LANCL2: variants seen among roughly 807,000 people sequenced by gnomAD.
LANCL2 encodes lanC-like protein 2.
LANCL2 carries 33 observed loss-of-function variants against 56.9 expected under a neutral mutation model. The observed-to-expected ratio is 0.58, with a 90% confidence interval of 0.44 to 0.78. The LOEUF (loss-of-function observed/expected upper bound fraction) is 0.78, where lower values mean the gene tolerates loss of function less well. Ranked by LOEUF, LANCL2 falls within the 30% of genes least tolerant of loss-of-function variation. The pLI is 0.00. For synonymous variants in LANCL2, 233 were observed against 228.2 expected (o/e 1.02, Z -0.19); for missense variants, 562 against 580.2 (o/e 0.97, Z 0.32).
intron 1 of LANCL2, among the ~76,000 whole-genome samples, chr7:55,390,243 A>C (rs1790171038): frequency 6.6e-6 from 1 of 152,138 alleles, no homozygotes; most frequent in Non-Finnish European, 1.5e-5. Flanking sequence ...GAGAGAGTTA[A>C]AGGGAGAAAT....
intron 1 of LANCL2, among the ~76,000 whole-genome samples, chr7:55,383,552 A>T (rs1245464012): frequency 6.6e-6 from 1 of 152,214 alleles, no homozygotes; most frequent in Non-Finnish European, 1.5e-5. Flanking sequence ...CCACATTAGC[A>T]TATCAGTACT....
chr7:55,383,231 T>C (rs1415566960), intron 1 of LANCL2, among the ~76,000 whole-genome samples: 1 of 152,084 alleles, frequency 6.6e-6, no homozygotes, highest in Non-Finnish European at 1.5e-5. Flanking sequence ...GCAGAGAGTT[T>C]AATAGGCAAG....
intron 1 of LANCL2, among the ~76,000 whole-genome samples, chr7:55,370,156 G>T (rs1369417568): frequency 1.3e-5 from 2 of 152,044 alleles, no homozygotes; most frequent in Admixed American, 6.6e-5. Context: ...GTGGTTAGTC[G>T]GCCTTGCTAT....
intron 6 of LANCL2, among the ~76,000 whole-genome samples, chr7:55,415,536 T>C (rs1790525778): frequency 6.6e-6 from 1 of 152,176 alleles, no homozygotes; most frequent in Non-Finnish European, 1.5e-5. Context: ...TATACTTTTT[T>C]TCCTCCTTAC....
chr7:55,422,458 A>G (rs184389111), intron 6 of LANCL2, among the ~76,000 whole-genome samples: 9 of 152,264 alleles, frequency 5.9e-5, no homozygotes, highest in South Asian at 2.1e-4. Context: ...TGGGTTTTCA[A>G]TAGTTTAACT....
chr7:55,424,024 T>G (rs1263891976), intron 6 of LANCL2, among the ~76,000 whole-genome samples: 1 of 152,184 alleles, frequency 6.6e-6, no homozygotes, highest in African/African-American at 2.4e-5. Flanking sequence ...CTCAGAGCCC[T>G]TCTCGGCTGA....
chr7:55,418,268 A>G (rs1293494244), intron 6 of LANCL2, among the ~76,000 whole-genome samples: 1 of 150,106 alleles, frequency 6.7e-6, no homozygotes, highest in African/African-American at 2.5e-5. Flanking sequence ...TGCAGCCTCT[A>G]CCTCCCCAGG....
At chr7:55,399,888 G>A in intron 3 of LANCL2, 69 bp from the exon 4 acceptor site, 1 of 1,258,708 alleles carries the variant, frequency 7.9e-7, no homozygotes, top group East Asian at 2.4e-5. Context: ...TAAAGCAACA[G>A]GGTTAGTGTT....
At chr7:55,395,394 G>A (rs113967485) in intron 2 of LANCL2, among the ~76,000 whole-genome samples, 1 of 152,062 alleles carries the variant, frequency 6.6e-6, no homozygotes, top group Non-Finnish European at 1.5e-5. Context: ...AGCAGAGATG[G>A]CTAGACAGTA....
intron 1 of LANCL2, among the ~76,000 whole-genome samples, chr7:55,367,362 C>T (rs544643314): frequency 6.6e-6 from 1 of 152,278 alleles, no homozygotes; most frequent in East Asian, 1.9e-4. Flanking sequence ...TTTGAAAGAG[C>T]CATTGGTCTG....
intron 1 of LANCL2, among the ~76,000 whole-genome samples, chr7:55,379,442 G>A (rs909515180): frequency 2.0e-5 from 3 of 152,114 alleles, no homozygotes; most frequent in Non-Finnish European, 2.9e-5. Flanking sequence ...TGTGCATAAC[G>A]GGGCCTGGAA....
Position 55,398,508 on chromosome 7 carries a change from A to C in LANCL2, c.408A>C (p.Thr136=), listed in dbSNP as rs1314745435. Residue 136 remains threonine, a synonymous_variant, in exon 3 of 9, where the codon ACA becomes ACC. Transcript: ENST00000254770. ...LLRSLDYVKR[T]LRNLNGRRVT... ...GATCCCTGGATTACGTAAAAAGAAC[A>C]CTTCGGAATCTGAATGGCCGCAGGG... The C allele has an allele frequency of 1.9e-6, 3 of 1,614,198 alleles. No individual in the cohort carries two copies. The highest frequency in any genetic ancestry group is 2.5e-6 in the Non-Finnish European group (3 of 1,180,040).
At position 55,365,931 on chromosome 7, in the gene LANCL2, T is replaced by C; in HGVS notation, c.-95T>C. Reference sequence around the variant, plus strand: ...CGGCCTCGCTCCTCCTAGAGGACGCTCTCTGCGCGGGCCCTCGGAGGAGGC... The same window carrying C: ...CGGCCTCGCTCCTCCTAGAGGACGCCCTCTGCGCGGGCCCTCGGAGGAGGC... On this transcript the variant is annotated 5_prime_UTR_variant, in exon 1 of 9. Coordinates refer to ENST00000254770, the MANE Select transcript of LANCL2 (RefSeq NM_018697.4). The C allele has an allele frequency of 9.9e-7, 1 of 1,012,588 alleles. No homozygotes were observed. Among genetic ancestry groups the C allele is most frequent in the Non-Finnish European group, 1.4e-6 (1 of 732,998 alleles). The allele number at this position is 1,012,588 out of a possible 1,614,324, so 62.7% of individuals were successfully genotyped here.
intron 6 of LANCL2, among the ~76,000 whole-genome samples, chr7:55,423,822 C>G (rs1790633892): frequency 6.6e-6 from 1 of 152,204 alleles, no homozygotes; most frequent in African/African-American, 2.4e-5. Flanking sequence ...GCTGTCTGAC[C>G]CCAGAGCCCA....
At chr7:55,392,149 C>T (rs1790198470) in intron 2 of LANCL2, among the ~76,000 whole-genome samples, 1 of 151,870 alleles carries the variant, frequency 6.6e-6, no homozygotes, top group African/African-American at 2.4e-5. Flanking sequence ...AAAAATTAGC[C>T]AGGTGTGGTG....
chr7:55,385,721 T>C (rs181695410), intron 1 of LANCL2, among the ~76,000 whole-genome samples: 1 of 152,312 alleles, frequency 6.6e-6, no homozygotes, highest in African/African-American at 2.4e-5. Flanking sequence ...TCGGGCACCA[T>C]TGTCATTGAT....
At chr7:55,409,776 C>T (rs1790452032) in intron 5 of LANCL2, among the ~76,000 whole-genome samples, 2 of 152,094 alleles carry the variant, frequency 1.3e-5, no homozygotes, top group African/African-American at 4.8e-5. Flanking sequence ...TTTTACAGAG[C>T]TGTTGGTGGG....
At chr7:55,380,869 CTTTTT>C (rs66710499) in intron 1 of LANCL2, among the ~76,000 whole-genome samples, 1 of 118,594 alleles carries the variant, frequency 8.4e-6, no homozygotes, top group Non-Finnish European at 1.7e-5. Flanking sequence ...GAGTGAATTT[CTTTTT>C]TTTTTTTTTT....
At chr7:55,410,357 C>G (rs917035545) in intron 5 of LANCL2, among the ~76,000 whole-genome samples, 1 of 152,076 alleles carries the variant, frequency 6.6e-6, no homozygotes, top group African/African-American at 2.4e-5. Flanking sequence ...GGAAAAACAC[C>G]TAAAGATTTT....
Sources: gnomAD v4.1 joint callset for allele counts (sites outside exome capture counted in the v4.1 genomes callset) on GRCh38, gnomAD v4.1.1 for gene constraint, MANE v1.5 for transcripts, NCBI Gene and HGNC (gene_info 2026-07-23, HGNC 2026-07-21) for gene names.